The following NR2F1-AS1 variants were observed in gnomAD, a reference collection of about 807,000 sequenced individuals.
The protein encoded by NR2F1-AS1 is NR2F1 antisense RNA 1.
intron 4 of NR2F1-AS1, among the ~76,000 whole-genome samples, chr5:93,462,602 C>CA (rs1206069926): frequency 1.3e-5 from 2 of 151,802 alleles, no homozygotes; most frequent in East Asian, 1.9e-4. Flanking sequence ...CAAGAGAAGA[C>CA]AAAAAAATGT....
At chr5:93,532,529 G>T (rs962696746) in intron 4 of NR2F1-AS1, among the ~76,000 whole-genome samples, 1 of 152,172 alleles carries the variant, frequency 6.6e-6, no homozygotes, top group Non-Finnish European at 1.5e-5. Context: ...GCAGCCAAAG[G>T]CTTCACAAAA....
intron 4 of NR2F1-AS1, among the ~76,000 whole-genome samples, chr5:93,525,438 A>G (rs1262324071): frequency 6.6e-6 from 1 of 152,212 alleles, no homozygotes; most frequent in Non-Finnish European, 1.5e-5. Context: ...CACTGTCAAT[A>G]TTAGACGGAT....
At chr5:93,581,842 TCTCTCTCTCTC>T (rs1307911113), upstream of NR2F1-AS1, among the ~76,000 whole-genome samples, 9 of 38,304 alleles carry the variant, frequency 2.3e-4, 1 homozygote, top group Admixed American at 2.0e-3. Flanking sequence ...CTCTCCTCTC[TCTCTCTCTCTC>T]CTCTCTCTCT....
intron 1 of NR2F1-AS1, among the ~76,000 whole-genome samples, chr5:93,572,775 C>T (rs1319415845): frequency 2.6e-5 from 4 of 152,364 alleles, no homozygotes; most frequent in Admixed American, 2.0e-4. Flanking sequence ...CAAGTCATTA[C>T]GCCTTTATCC....
At chr5:93,466,586 C>T (rs1457673788) in intron 4 of NR2F1-AS1, among the ~76,000 whole-genome samples, 1 of 152,106 alleles carries the variant, frequency 6.6e-6, no homozygotes, top group Non-Finnish European at 1.5e-5. Flanking sequence ...GACCCGCCCA[C>T]CTCAGCCTCC....
intron 4 of NR2F1-AS1, among the ~76,000 whole-genome samples, chr5:93,419,135 T>C (rs1282661792): frequency 3.3e-5 from 5 of 152,224 alleles, no homozygotes; most frequent in African/African-American, 1.2e-4. Flanking sequence ...GGATGATTAA[T>C]TATGGACCAT....
upstream of NR2F1-AS1, chr5:93,584,416 G>C (rs1267735596): frequency 6.8e-6 from 1 of 148,010 alleles, no homozygotes; most frequent in African/African-American, 2.5e-5. Context: ...GCGGGCGCCC[G>C]GCGCGGGTGA....
intron 1 of NR2F1-AS1, among the ~76,000 whole-genome samples, chr5:93,565,839 T>C (rs1035457707): frequency 6.6e-6 from 1 of 151,816 alleles, no homozygotes; most frequent in African/African-American, 2.4e-5. Context: ...AAAATATATA[T>C]ATATATAACT....
intron 4 of NR2F1-AS1, among the ~76,000 whole-genome samples, chr5:93,492,999 G>C (rs1473405901): frequency 6.6e-6 from 1 of 152,074 alleles, no homozygotes; most frequent in Non-Finnish European, 1.5e-5. Context: ...TGCCTGCTTT[G>C]ACCACTGCTA....
At chr5:93,476,049 T>C (rs1750478237) in intron 4 of NR2F1-AS1, among the ~76,000 whole-genome samples, 1 of 152,228 alleles carries the variant, frequency 6.6e-6, no homozygotes, top group South Asian at 2.1e-4. Flanking sequence ...GTTTTCTCTT[T>C]TTGATTACAG....
intron 4 of NR2F1-AS1, among the ~76,000 whole-genome samples, chr5:93,483,297 A>G (rs1750641269): frequency 6.6e-6 from 1 of 152,220 alleles, no homozygotes; most frequent in African/African-American, 2.4e-5. Context: ...CTGGTGATCC[A>G]GGCAAACAGG....
chr5:93,528,556 C>A (rs967611089), intron 4 of NR2F1-AS1, among the ~76,000 whole-genome samples: 11 of 152,140 alleles, frequency 7.2e-5, no homozygotes, highest in Admixed American at 3.3e-4. Context: ...TGGGGATATA[C>A]CCAAAGGATT....
intron 4 of NR2F1-AS1, among the ~76,000 whole-genome samples, chr5:93,524,185 A>T (rs764407047): frequency 6.6e-6 from 1 of 152,034 alleles, no homozygotes; most frequent in African/African-American, 2.4e-5. Context: ...GCTCAAAAAC[A>T]CAGCATGAGA....
intron 4 of NR2F1-AS1, among the ~76,000 whole-genome samples, chr5:93,465,687 A>G (rs1382698287): frequency 1.3e-5 from 2 of 152,230 alleles, no homozygotes; most frequent in African/African-American, 2.4e-5. Context: ...AATGCCATCA[A>G]TGATAGACTG....
chr5:93,507,779 A>G (rs141120332), intron 4 of NR2F1-AS1, among the ~76,000 whole-genome samples: 1 of 152,218 alleles, frequency 6.6e-6, no homozygotes, highest in Non-Finnish European at 1.5e-5. Flanking sequence ...CAATTCAACA[A>G]GGTTACTGGG....
At chr5:93,458,378 A>C (rs998877580) in intron 4 of NR2F1-AS1, among the ~76,000 whole-genome samples, 1 of 152,158 alleles carries the variant, frequency 6.6e-6, no homozygotes, top group Non-Finnish European at 1.5e-5. Flanking sequence ...CTGAAAATAC[A>C]CTTGTGATCA....
At chr5:93,518,303 G>A (rs1344817239) in intron 4 of NR2F1-AS1, among the ~76,000 whole-genome samples, 1 of 152,046 alleles carries the variant, frequency 6.6e-6, no homozygotes, top group Non-Finnish European at 1.5e-5. Flanking sequence ...AATGACCAAT[G>A]AACTGCTCTT....
intron 1 of NR2F1-AS1, among the ~76,000 whole-genome samples, chr5:93,578,572 G>A (rs2149934204): frequency 6.6e-6 from 1 of 152,318 alleles, no homozygotes; most frequent in Admixed American, 6.5e-5. Flanking sequence ...CTGTGGGCCT[G>A]GCTGGAGGCC....
At chr5:93,549,760 T>C (rs1349177749) in intron 4 of NR2F1-AS1, among the ~76,000 whole-genome samples, 1 of 152,084 alleles carries the variant, frequency 6.6e-6, no homozygotes, top group Non-Finnish European at 1.5e-5. Context: ...TTTTCACATA[T>C]ACACCATGGA....
Sources: gnomAD v4.1 joint callset for allele counts (sites outside exome capture counted in the v4.1 genomes callset) on GRCh38, gnomAD v4.1.1 for gene constraint, MANE v1.5 for transcripts, NCBI Gene and HGNC (gene_info 2026-07-23, HGNC 2026-07-21) for gene names.